SLC27A1: variants seen among roughly 807,000 people sequenced by gnomAD.
SLC27A1 encodes the protein solute carrier family 27 member 1.
Under a neutral mutation model 62.2 loss-of-function variants are expected in SLC27A1, and 61 were observed. The ratio of observed to expected loss-of-function variants is 0.98; its 90% CI spans 0.80 to 1.21. The LOEUF (loss-of-function observed/expected upper bound fraction) is 1.21, where lower values mean the gene tolerates loss of function less well. Ranked by LOEUF, SLC27A1 falls within the 50% of genes most tolerant of loss-of-function variation. The pLI is 0.00. For missense variants in SLC27A1, 903 were observed against 932.1 expected, an observed-to-expected ratio of 0.97 and a Z score of 0.41; for synonymous variants, 435 against 408.6, an observed-to-expected ratio of 1.06 and a Z score of -0.78.
In SLC27A1 at chr19:17,481,147, A is replaced by G. The variant is rs370853665; in HGVS notation, c.168-5416A>G. On this transcript the variant is annotated intron_variant, in intron 1 of 11. Transcript: ENST00000252595. ...TCCATGTTGGCCAGGCTGGTCTCGA[A>G]CTCCCAACCTCAGGTGATCCATCCA... Among the ~76,000 whole-genome samples the G allele has an allele frequency of 4.7e-3, 706 of 151,092 alleles. 6 individuals are homozygous for G. The highest frequency in any genetic ancestry group is 0.016 in the African/African-American group (669 of 41,160).
chr19:17,475,601 G>A (rs2075114836), intron 1 of SLC27A1, among the ~76,000 whole-genome samples: 1 of 152,132 alleles, frequency 6.6e-6, no homozygotes, highest in Non-Finnish European at 1.5e-5. Context: ...GAGAGGGGAG[G>A]TTATTTGCCC....
At chr19:17,500,061 T>G in intron 7 of SLC27A1, 1 of 667,758 alleles carries the variant, frequency 1.5e-6, no homozygotes, top group East Asian at 2.9e-5. Flanking sequence ...CAGCCAGAGG[T>G]CTTCTCTTGA....
At chr19:17,495,294 T>G (rs1318064320) in intron 6 of SLC27A1, 2 of 149,470 alleles carry the variant, frequency 1.3e-5, no homozygotes, top group Non-Finnish European at 3.0e-5. Context: ...TTTTTTTTTT[T>G]TTTTTGAGAT....
chr19:17,473,801 G>T (rs781008567), intron 1 of SLC27A1, among the ~76,000 whole-genome samples: 2 of 152,182 alleles, frequency 1.3e-5, no homozygotes, highest in African/African-American at 4.8e-5. Flanking sequence ...GGTGGAGGTT[G>T]CAGTGAGCCA....
chr19:17,500,464 T>C, intron 8 of SLC27A1, 31 bp from the exon 9 acceptor site: 1 of 1,612,860 alleles, frequency 6.2e-7, no homozygotes, highest in Non-Finnish European at 8.5e-7. Context: ...CCTGCCTGCC[T>C]AGCGCAGCCT....
At chr19:17,493,427 C>CAAAAAAAAAAAA (rs769247313) in intron 6 of SLC27A1, among the ~76,000 whole-genome samples, 1 of 72,030 alleles carries the variant, frequency 1.4e-5, no homozygotes, top group Admixed American at 2.1e-4. Context: ...AACTCCATCT[C>CAAAAAAAAAAAA]AAAAAAAAAA....
rs138322503 is a variant in SLC27A1, at chr19:17,484,354, G to A, written c.168-2209G>A. 3.4e-4 allele frequency among the ~76,000 whole-genome samples: 52 copies of A among 152,338 alleles called. 1 individual carries two copies. The East Asian group carries it at 9.8e-3, about 29-fold the overall frequency. The stretch of plus-strand genomic sequence containing the variant: ...CACGCCTGTAATCCCAGCACATTGG[G>A]AGGCCAAGGGAGGACCACCTGAGTC... On this transcript the variant is annotated intron_variant, in intron 1 of 11. Transcript: ENST00000252595.
rs370317748 is a variant in SLC27A1 at position 17,498,658 on chromosome 19, C to T, written c.1206+1194C>T. 54 of 238,012 alleles carry T rather than the reference C, an allele frequency of 2.3e-4. 1 individual carries two copies. The South Asian group carries it at 3.4e-3, about 15-fold the overall frequency. The allele number at this position is 238,012 out of a possible 1,614,324, so 14.7% of individuals were successfully genotyped here. On this transcript the variant is annotated intron_variant, in intron 7 of 11. Coordinates refer to ENST00000252595, the MANE Select transcript of SLC27A1 (RefSeq NM_198580.3). ...AGATGAAAGAAAAGACAGCTGGGCC[C>T]GGGGGACCACTACCACCAAGAGGCG...
intron 1 of SLC27A1, among the ~76,000 whole-genome samples, chr19:17,476,537 CAAA>C (rs11332045): frequency 0.027 from 2,617 of 96,022 alleles, 68 homozygotes; most frequent in African/African-American, 0.087. Flanking sequence ...GACTCTGTCT[CAAA>C]AAAAAAAAAA....
chr19:17,489,054 C>G lies in SLC27A1; in HGVS notation c.933C>G (p.Val311=), dbSNP rs146693441. Reference sequence around the variant, plus strand: ...AGTGTCTCATCTATGGGCTGACAGTCGTCCTCCGCAAGAAATTCTCGGCCA... The same window carrying G: ...AGTGTCTCATCTATGGGCTGACAGTGGTCCTCCGCAAGAAATTCTCGGCCA... ...VGQCLIYGLT[V]VLRKKFSASR... is the part of the protein sequence containing the mutation. The change falls in exon 6 of 12, where the codon GTC becomes GTG. Residue 311 remains valine (V), a synonymous_variant. Coordinates refer to ENST00000252595, the MANE Select transcript of SLC27A1 (RefSeq NM_198580.3). 429 of 1,614,142 alleles carry G rather than the reference C, an allele frequency of 2.7e-4. 5 individuals are homozygous for G. In the East Asian group the frequency reaches 8.7e-3, roughly 33 times the overall value.
At chr19:17,477,404 G>T (rs943674421) in intron 1 of SLC27A1, among the ~76,000 whole-genome samples, 4 of 149,776 alleles carry the variant, frequency 2.7e-5, no homozygotes, top group South Asian at 2.1e-4. Flanking sequence ...ACCATGCCTG[G>T]CTACTTTTTT....
Position 17,470,598 on chromosome 19 carries a change from C to A in SLC27A1, c.58C>A (p.Leu20Met), listed in dbSNP as rs774047082. 3.2e-6 allele frequency: 5 copies of A among 1,568,576 alleles called. No individual in the cohort carries two copies. The South Asian group carries it at 5.7e-5, about 18-fold the overall frequency. Residue 20 changes from leucine to methionine, a missense_variant, in exon 1 of 12, where the codon CTG (leucine) becomes ATG (methionine). By Grantham distance (15) the Leu-to-Met change is conservative. Transcript: ENST00000252595. ...GGTCTCGCTGGCGCTGTTGTGGCTG[C>A]TGGGGCTGCCGTGGACCTGGAGCGC... ...SVVSLALLWL[L>M]GLPWTWSAAA...
In SLC27A1 at chr19:17,505,412, A is replaced by C; in HGVS notation, c.*800A>C. ...GTTCCAGATGCTGCAGCTCCATGTG[A>C]CTTCCAAGCAGGCCCTCCGCCCTCC... On this transcript the variant is annotated 3_prime_UTR_variant, in exon 12 of 12. Coordinates refer to ENST00000252595, the MANE Select transcript of SLC27A1 (RefSeq NM_198580.3). 6.4e-6 allele frequency: 1 copy of C among 155,576 alleles called. No individual in the cohort carries two copies. The highest frequency in any genetic ancestry group is 1.4e-5 in the Non-Finnish European group (1 of 69,912). The allele number at this position is 155,576 out of a possible 1,614,324, so 9.6% of individuals were successfully genotyped here.
intron 6 of SLC27A1, chr19:17,496,903 G>C: frequency 5.0e-6 from 1 of 199,424 alleles, no homozygotes; most frequent in Non-Finnish European, 1.0e-5. Context: ...AAAATCTGTA[G>C]TCCCAGCTAC....
At chr19:17,502,151 G>A (rs1167697673) in intron 11 of SLC27A1, among the ~76,000 whole-genome samples, 3 of 151,650 alleles carry the variant, frequency 2.0e-5, no homozygotes, top group Non-Finnish European at 2.9e-5. Flanking sequence ...GATTTTTGGT[G>A]CGGACAAACA....
chr19:17,493,156 G>A (rs550777866), intron 6 of SLC27A1, among the ~76,000 whole-genome samples: 2 of 150,700 alleles, frequency 1.3e-5, no homozygotes, highest in South Asian at 2.1e-4. Flanking sequence ...GGACAGGGCC[G>A]GGCGCGGCGG....
Position 17,505,311 on chromosome 19 carries a change from C to G in SLC27A1, c.*699C>G, listed in dbSNP as rs1490795560. On this transcript the variant is annotated 3_prime_UTR_variant, in exon 12 of 12. Coordinates refer to ENST00000252595, the MANE Select transcript of SLC27A1 (RefSeq NM_198580.3). ...GGAATCATCTCCCCTGGGCCCTGGA[C>G]TCGGACTGGGGCCTCCCCACCTCCC... 5.8e-6 allele frequency: 1 copy of G among 173,420 alleles called. No homozygotes were observed. The highest frequency in any genetic ancestry group is 2.4e-5 in the African/African-American group (1 of 41,620). The allele number at this position is 173,420 out of a possible 1,614,324, so 10.7% of individuals were successfully genotyped here.
At chr19:17,469,417 A>T (rs8113707), upstream of SLC27A1, among the ~76,000 whole-genome samples, 128,584 of 151,834 alleles carry the variant, frequency 0.85, 55,416 homozygotes, top group Non-Finnish European at 0.91. Flanking sequence ...GGACTGGGAT[A>T]TTTTTGGTCC....
chr19:17,482,758 C>T (rs2075191973), intron 1 of SLC27A1, among the ~76,000 whole-genome samples: 1 of 151,600 alleles, frequency 6.6e-6, no homozygotes, highest in Admixed American at 6.6e-5. Context: ...AGTAGGTGCT[C>T]ACCATTTCAA....
Sources: allele counts gnomAD v4.1 joint callset (sites outside exome capture counted in the v4.1 genomes callset), GRCh38; gene constraint gnomAD v4.1.1; transcripts MANE v1.5; gene names NCBI Gene and HGNC (gene_info 2026-07-23, HGNC 2026-07-21).